Variants in IQGAP2 observed in about 807,000 individuals in gnomAD.
IQGAP2 encodes IQ motif containing GTPase activating protein 2.
In IQGAP2, 173 loss-of-function variants were observed where a neutral mutation model predicts 201.3. The ratio of observed to expected loss-of-function variants is 0.86; its 90% confidence interval spans 0.76 to 0.98. The LOEUF (loss-of-function observed/expected upper bound fraction) is 0.98. Among genes scored for constraint, IQGAP2 ranks in the 50% least tolerant of loss-of-function variants. The pLI is 0.00. For missense variants in IQGAP2, 1,687 were observed against 1,864.8 expected (o/e 0.90, Z 1.76); for synonymous variants, 675 against 673.9 (o/e 1.00, Z -0.03).
At chr5:76,500,390 A>G (rs1015937458) in intron 2 of IQGAP2, among the ~76,000 whole-genome samples, 3 of 152,206 alleles carry the variant, frequency 2.0e-5, no homozygotes, top group African/African-American at 4.8e-5. Context: ...TTTCTTATCC[A>G]TTGTAAAAAG....
intron 30 of IQGAP2, among the ~76,000 whole-genome samples, chr5:76,685,302 G>C (rs1745640029): frequency 6.6e-6 from 1 of 152,120 alleles, no homozygotes; most frequent in Admixed American, 6.5e-5. Flanking sequence ...CAGATTGTGT[G>C]GTTTTGCCAT....
chr5:76,619,754 G>A (rs368647061), intron 13 of IQGAP2, among the ~76,000 whole-genome samples: 82 of 152,110 alleles, frequency 5.4e-4, no homozygotes, highest in Non-Finnish European at 7.5e-4. Flanking sequence ...TCCTGACCTC[G>A]TGATCTGCCC....
At chr5:76,607,133 C>T (rs975624599) in intron 12 of IQGAP2, 32 of 152,314 alleles carry the variant, frequency 2.1e-4, no homozygotes, top group African/African-American at 7.7e-4. Context: ...TGGGCAGATA[C>T]TTCTCTCACA....
At chr5:76,480,099 G>A (rs577173138) in intron 2 of IQGAP2, among the ~76,000 whole-genome samples, 142 of 152,242 alleles carry the variant, frequency 9.3e-4, no homozygotes, top group Admixed American at 2.9e-3. Flanking sequence ...AGAGCTGTTT[G>A]TGTAGGTGGG....
intron 17 of IQGAP2, among the ~76,000 whole-genome samples, chr5:76,649,328 A>G (rs1263742527): frequency 6.6e-6 from 1 of 152,226 alleles, no homozygotes; most frequent in African/African-American, 2.4e-5. Flanking sequence ...AATAACTGTC[A>G]ACATAGAATT....
intron 1 of IQGAP2, among the ~76,000 whole-genome samples, chr5:76,413,109 T>C (rs1391856594): frequency 6.6e-6 from 1 of 151,710 alleles, no homozygotes; most frequent in Non-Finnish European, 1.5e-5. Context: ...TTTAACAGAA[T>C]GTGGATTTAA....
chr5:76,471,320 T>C (rs1224804130), intron 2 of IQGAP2, among the ~76,000 whole-genome samples: 8 of 150,742 alleles, frequency 5.3e-5, no homozygotes, highest in African/African-American at 1.7e-4. Context: ...AGAAAACTTT[T>C]GCTGTGCTTC....
intron 34 of IQGAP2, 104 bp downstream of exon 34, chr5:76,701,317 A>T (rs1460016556): frequency 1.9e-6 from 2 of 1,045,800 alleles, no homozygotes; most frequent in East Asian, 2.4e-5. Context: ...TCAATTACTG[A>T]TGGGTGACAA....
chr5:76,552,025 A>G (rs1743587630), intron 2 of IQGAP2, among the ~76,000 whole-genome samples: 1 of 152,134 alleles, frequency 6.6e-6, no homozygotes, highest in African/African-American at 2.4e-5. Context: ...ACCCTTTGAA[A>G]TGGAAGAGAG....
Position 76,673,467 on chromosome 5 carries a change from G to A in IQGAP2, c.3087G>A (p.Val1029=). 1 of 1,613,714 alleles carries A rather than the reference G, an allele frequency of 6.2e-7. No homozygotes were observed. The highest frequency in any genetic ancestry group is 8.5e-7 in the Non-Finnish European group (1 of 1,179,784). Residue 1029 remains valine, a synonymous_variant, in exon 25 of 36, where the codon GTG becomes GTA. Coordinates refer to ENST00000274364, the MANE Select transcript of IQGAP2 (RefSeq NM_006633.5). The stretch of plus-strand genomic sequence containing the variant: ...TTTTCAGCAAGTTGCCTTATGATGT[G>A]ACCACAGAACAAGCTCTAACATACC... The part of the protein sequence containing the change: ...TGEASKLPYD[V]TTEQALTYPE...
At chr5:76,623,417 C>T (rs1461801096) in intron 13 of IQGAP2, 6 of 617,698 alleles carry the variant, frequency 9.7e-6, no homozygotes, top group South Asian at 2.0e-5. Flanking sequence ...GTAATCCACT[C>T]GATGCTTCAG....
intron 28 of IQGAP2, among the ~76,000 whole-genome samples, chr5:76,680,424 A>G (rs1001701181): frequency 6.6e-6 from 1 of 152,220 alleles, no homozygotes; most frequent in Non-Finnish European, 1.5e-5. Context: ...ACCTTGGATT[A>G]GGCAGTAGTT....
intron 14 of IQGAP2, chr5:76,628,745 A>G (rs1238777822): frequency 2.2e-6 from 1 of 456,028 alleles, no homozygotes; most frequent in Non-Finnish European, 4.4e-6. Flanking sequence ...TCCTTAGCTT[A>G]GAAAAATGTG....
intron 2 of IQGAP2, among the ~76,000 whole-genome samples, chr5:76,512,288 CATTG>C (rs1286303926): frequency 6.6e-6 from 1 of 152,194 alleles, no homozygotes; most frequent in Non-Finnish European, 1.5e-5. Flanking sequence ...TCGTAAGACA[CATTG>C]AAAGTGTGGA....
intron 13 of IQGAP2, chr5:76,616,326 TATAGC>T (rs1311274480): frequency 6.6e-6 from 1 of 152,480 alleles, no homozygotes; most frequent in Non-Finnish European, 1.5e-5. Context: ...AGAGTGGAGA[TATAGC>T]AGAGCAAGAG....
At chr5:76,443,505 G>A (rs1753176146) in intron 1 of IQGAP2, among the ~76,000 whole-genome samples, 1 of 150,860 alleles carries the variant, frequency 6.6e-6, no homozygotes, top group South Asian at 2.1e-4. Context: ...AAATGTGAGA[G>A]GACAGAATGG....
At chr5:76,577,695 T>C (rs1018907344) in intron 5 of IQGAP2, among the ~76,000 whole-genome samples, 1 of 152,214 alleles carries the variant, frequency 6.6e-6, no homozygotes, top group South Asian at 2.1e-4. Context: ...GAGGCTGATA[T>C]TCTGCTTTGT....
chr5:76,561,513 G>A (rs1469286994), intron 2 of IQGAP2, among the ~76,000 whole-genome samples: 1 of 152,166 alleles, frequency 6.6e-6, no homozygotes, highest in Admixed American at 6.5e-5. Flanking sequence ...TGGATTTGTA[G>A]ATCAGTAGCT....
chr5:76,683,267 G>A, intron 29 of IQGAP2, 50 bp downstream of exon 29: 2 of 1,322,254 alleles, frequency 1.5e-6, no homozygotes, highest in Non-Finnish European at 2.1e-6. Flanking sequence ...TTAATTGGGT[G>A]GGTTGGTTGG....
Sources: allele counts gnomAD v4.1 joint callset (sites outside exome capture counted in the v4.1 genomes callset), GRCh38; gene constraint gnomAD v4.1.1; transcripts MANE v1.5; gene names NCBI Gene and HGNC (gene_info 2026-07-23, HGNC 2026-07-21).